Variants in SYT16 observed in about 807,000 individuals in gnomAD.
SYT16 encodes synaptotagmin 16, also known as synaptotagmin-16.
Under a neutral mutation model 61.4 loss-of-function variants are expected in SYT16, and 42 were observed. The ratio of observed to expected loss-of-function variants is 0.68; its 90% confidence interval spans 0.53 to 0.89. SYT16 has a LOEUF of 0.89. Ranked by LOEUF, SYT16 falls within the 40% of genes least tolerant of loss-of-function variation. The pLI is 0.00. For synonymous variants in SYT16, 314 were observed against 302.3 expected, an observed-to-expected ratio of 1.04 and a Z score of -0.40; for missense variants, 804 against 807.3, an observed-to-expected ratio of 1.00 and a Z score of 0.05.
chr14:61,961,955 T>C (rs2051133286), intron 1 of SYT16, among the ~76,000 whole-genome samples: 1 of 152,190 alleles, frequency 6.6e-6, no homozygotes, highest in African/African-American at 2.4e-5. Context: ...AATGAGATTA[T>C]GTCCTTTGCA....
chr14:62,007,948 A>G (rs531033482), intron 3 of SYT16, among the ~76,000 whole-genome samples: 3 of 152,144 alleles, frequency 2.0e-5, no homozygotes, highest in African/African-American at 7.2e-5. Context: ...TCCTTGCCCT[A>G]TAAAAAGTAA....
intron 3 of SYT16, among the ~76,000 whole-genome samples, chr14:62,052,871 C>A (rs76988285): frequency 6.6e-6 from 1 of 152,222 alleles, no homozygotes; most frequent in African/African-American, 2.4e-5. Flanking sequence ...TTTCTAGCCT[C>A]AAGAACTATA....
intron 3 of SYT16, among the ~76,000 whole-genome samples, chr14:62,000,972 G>A (rs1331775917): frequency 6.6e-6 from 1 of 152,068 alleles, no homozygotes; most frequent in Non-Finnish European, 1.5e-5. Context: ...TGAGGTGGGA[G>A]GAATGCTTGA....
intron 2 of SYT16, among the ~76,000 whole-genome samples, chr14:61,981,850 C>T (rs148521384): frequency 3.1e-4 from 47 of 152,188 alleles, no homozygotes; most frequent in Middle Eastern, 3.4e-3. Context: ...TGGTGAGTTT[C>T]CTTAGAAACA....
intron 7 of SYT16, among the ~76,000 whole-genome samples, chr14:62,092,173 AACACACACACACACACACACACAC>A (rs56324432): frequency 0.01 from 1,373 of 131,390 alleles, 12 homozygotes; most frequent in African/African-American, 0.012. Flanking sequence ...TGGCTACTAT[AACACACACACACACACACACACAC>A]ACACACACAC....
intron 1 of SYT16, among the ~76,000 whole-genome samples, chr14:61,918,747 G>A (rs2049216558): frequency 6.6e-6 from 1 of 151,962 alleles, no homozygotes; most frequent in African/African-American, 2.4e-5. Flanking sequence ...GATGAATCAT[G>A]GTTGATTTAC....
intron 2 of SYT16, among the ~76,000 whole-genome samples, chr14:61,988,340 T>C (rs1595090376): frequency 6.6e-6 from 1 of 152,202 alleles, no homozygotes; most frequent in African/African-American, 2.4e-5. Flanking sequence ...TTTAAAAATA[T>C]TGTGTCATTA....
chr14:61,822,949 A>G (rs2045659804), intron 1 of SYT16, among the ~76,000 whole-genome samples: 1 of 152,150 alleles, frequency 6.6e-6, no homozygotes, highest in Non-Finnish European at 1.5e-5. Flanking sequence ...TTATATGGGC[A>G]TAGGGTATTA....
chr14:61,832,226 A>C, intron 1 of SYT16: 1 of 631,780 alleles, frequency 1.6e-6, no homozygotes, highest in Non-Finnish European at 3.1e-6. Context: ...CATGGGCCAC[A>C]TCGGGTACGG....
chr14:61,851,252 A>G (rs2046609372), intron 1 of SYT16, among the ~76,000 whole-genome samples: 1 of 152,114 alleles, frequency 6.6e-6, no homozygotes, highest in East Asian at 1.9e-4. Context: ...GCTCCTTTTT[A>G]TGGCTGCATA....
chr14:61,841,839 G>A (rs975864911), intron 1 of SYT16, among the ~76,000 whole-genome samples: 1 of 152,128 alleles, frequency 6.6e-6, no homozygotes, highest in Non-Finnish European at 1.5e-5. Flanking sequence ...TGCTGCAAAG[G>A]ACATGATTTC....
At chr14:61,847,567 T>A (rs2046481687) in intron 1 of SYT16, among the ~76,000 whole-genome samples, 1 of 152,182 alleles carries the variant, frequency 6.6e-6, no homozygotes, top group Admixed American at 6.5e-5. Flanking sequence ...TGGTGTTCTA[T>A]AACCTTCTTG....
In SYT16 at chr14:61,948,494, A is replaced by G. The variant is rs553077293; in HGVS notation, c.-324-21638A>G. On this transcript the variant is annotated intron_variant, in intron 1 of 7. Transcript: ENST00000683842. ...GCTTTCACGGCAGTCGGGCCTCAGA[A>G]TGGTAAGGGTCTGATTGAAGCACTC... 2.0e-5 allele frequency among the ~76,000 whole-genome samples: 3 copies of G among 152,222 alleles called. No individual in the cohort carries two copies. The South Asian group carries it at 6.2e-4, about 32-fold the overall frequency.
intron 4 of SYT16, among the ~76,000 whole-genome samples, chr14:62,070,652 C>A (rs960808787): frequency 6.6e-6 from 1 of 152,176 alleles, no homozygotes; most frequent in Admixed American, 6.5e-5. Flanking sequence ...GTCAAGGTAT[C>A]TATCTGACTC....
intron 1 of SYT16, among the ~76,000 whole-genome samples, chr14:61,927,106 A>G (rs973967239): frequency 1.3e-5 from 2 of 152,214 alleles, no homozygotes; most frequent in African/African-American, 2.4e-5. Context: ...TCACAGAGTA[A>G]CAGCCCAGCT....
rs138490225 is a variant in SYT16, at chr14:61,828,784, T to C, written c.-325+15974T>C. On this transcript the variant is annotated intron_variant, in intron 1 of 7. Transcript: ENST00000683842. ...CACTATGTGCAGTGACAGTTTGTCCTTTGGCTGAGGGTGAAGACCCTGAGT... is the reference window on the plus strand; with the variant it reads ...CACTATGTGCAGTGACAGTTTGTCCCTTGGCTGAGGGTGAAGACCCTGAGT... Among the ~76,000 whole-genome samples the C allele has an allele frequency of 4.5e-4, 68 of 152,368 alleles. 6 individuals are homozygous for C. The East Asian group carries it at 0.013, about 29-fold the overall frequency.
chr14:61,834,628 G>C (rs1226474797), intron 1 of SYT16, among the ~76,000 whole-genome samples: 2 of 151,676 alleles, frequency 1.3e-5, no homozygotes, highest in Non-Finnish European at 2.9e-5. Flanking sequence ...GTAGAGATGG[G>C]GTTTCACCAT....
chr14:61,856,692 G>A (rs751987394), intron 1 of SYT16, among the ~76,000 whole-genome samples: 3 of 152,186 alleles, frequency 2.0e-5, no homozygotes, highest in Admixed American at 1.3e-4. Flanking sequence ...TGAATAAGCA[G>A]TTAGGTGTTT....
At chr14:61,985,054 G>A (rs1007583157) in intron 2 of SYT16, among the ~76,000 whole-genome samples, 1 of 151,996 alleles carries the variant, frequency 6.6e-6, no homozygotes, top group Non-Finnish European at 1.5e-5. Context: ...ATCCCAAGAG[G>A]ATCTGATTAT....
Sources: allele counts gnomAD v4.1 joint callset (sites outside exome capture counted in the v4.1 genomes callset), GRCh38; gene constraint gnomAD v4.1.1; transcripts MANE v1.5; gene names NCBI Gene and HGNC (gene_info 2026-07-23, HGNC 2026-07-21).